Variants in KCNN2 observed in about 807,000 individuals in gnomAD.
KCNN2 encodes the protein potassium calcium-activated channel subfamily N member 2.
KCNN2 carries 24 observed loss-of-function variants against 55.5 expected under a neutral mutation model. The ratio of observed to expected loss-of-function variants is 0.43; its 90% confidence interval spans 0.31 to 0.61. The LOEUF (loss-of-function observed/expected upper bound fraction) is 0.61, where lower values mean the gene tolerates loss of function less well. Among genes scored for constraint, KCNN2 ranks in the 20% least tolerant of loss-of-function variants. KCNN2 has a pLI of 0.08. For synonymous variants in KCNN2, 431 were observed against 336.1 expected (o/e 1.28, Z -3.09); for missense variants, 754 against 853.6 (o/e 0.88, Z 1.45).
chr5:114,197,602 T>A (rs1344929267), intron 1 of KCNN2, among the ~76,000 whole-genome samples: 2 of 152,164 alleles, frequency 1.3e-5, no homozygotes, highest in Non-Finnish European at 2.9e-5. Context: ...TCCTTACAAA[T>A]GGCAGTGGGT....
At position 114,385,517 on chromosome 5, in the gene KCNN2, G is replaced by A. The variant is rs200823296; in HGVS notation, c.1219-18921G>A. 8.8e-3 allele frequency among the ~76,000 whole-genome samples: 781 copies of A among 88,968 alleles called. 12 individuals are homozygous for A. Among genetic ancestry groups the A allele is most frequent in the African/African-American group, 0.039 (732 of 18,980 alleles). 58.4% of individuals were successfully genotyped at this position (88,968 alleles called of 152,430 possible). A position where few individuals can be genotyped will look rare whatever the true frequency, so the allele number is the denominator to read the frequency against. ...GTTTATTGACAGCATACACACATGC[G>A]CGCACACACACACACACACACACAC... On this transcript the variant is annotated intron_variant, in intron 2 of 7. Transcript: ENST00000673685.
At chr5:114,396,858 G>A (rs577111701) in intron 2 of KCNN2, among the ~76,000 whole-genome samples, 97 of 152,134 alleles carry the variant, frequency 6.4e-4, no homozygotes, top group African/African-American at 2.3e-3. Flanking sequence ...GTAGTCTTTT[G>A]ATCTTCACCT....
chr5:114,318,722 C>T (rs1156264509), intron 2 of KCNN2, among the ~76,000 whole-genome samples: 1 of 151,962 alleles, frequency 6.6e-6, no homozygotes, highest in Non-Finnish European at 1.5e-5. Flanking sequence ...TCAGGGTTCA[C>T]TGACTAAATT....
intron 1 of KCNN2, among the ~76,000 whole-genome samples, chr5:114,083,183 C>T (rs1209727296): frequency 6.6e-6 from 1 of 151,700 alleles, no homozygotes; most frequent in Non-Finnish European, 1.5e-5. Context: ...CCTTTTTGTT[C>T]TTAGTCTATC....
chr5:114,148,224 G>A (rs921313196), intron 1 of KCNN2, among the ~76,000 whole-genome samples: 1 of 152,150 alleles, frequency 6.6e-6, no homozygotes, highest in Admixed American at 6.6e-5. Flanking sequence ...GATAATTAAA[G>A]GCCATTTCTT....
chr5:114,441,329 C>T (rs1371904346), intron 3 of KCNN2, among the ~76,000 whole-genome samples: 9 of 152,156 alleles, frequency 5.9e-5, no homozygotes, highest in Admixed American at 5.9e-4. Context: ...CAAGCTTAAT[C>T]TAGCATACAT....
At chr5:114,161,788 T>C (rs904875541) in intron 1 of KCNN2, among the ~76,000 whole-genome samples, 5 of 152,238 alleles carry the variant, frequency 3.3e-5, no homozygotes, top group African/African-American at 1.2e-4. Flanking sequence ...TTCCAGTTGA[T>C]CACATCAGCT....
At chr5:114,159,824 G>A (rs925383737) in intron 1 of KCNN2, among the ~76,000 whole-genome samples, 2 of 152,168 alleles carry the variant, frequency 1.3e-5, no homozygotes, top group Non-Finnish European at 2.9e-5. Context: ...ATGGTAGTTT[G>A]TATTTCTGTG....
intron 2 of KCNN2, among the ~76,000 whole-genome samples, chr5:114,319,316 G>A (rs1271682655): frequency 6.6e-6 from 1 of 152,102 alleles, no homozygotes; most frequent in Non-Finnish European, 1.5e-5. Context: ...GGGATGAGCT[G>A]TTTCCCTGAA....
intron 3 of KCNN2, among the ~76,000 whole-genome samples, chr5:114,432,679 G>C (rs960105119): frequency 6.6e-6 from 1 of 152,174 alleles, no homozygotes; most frequent in Non-Finnish European, 1.5e-5. Context: ...GGGAGGTGTA[G>C]AGGGAGAGGC....
intron 3 of KCNN2, among the ~76,000 whole-genome samples, chr5:114,457,250 T>C (rs1355563779): frequency 6.6e-6 from 1 of 152,104 alleles, no homozygotes; most frequent in Non-Finnish European, 1.5e-5. Flanking sequence ...GGCAAGACCC[T>C]CCACCAGAAA....
At chr5:114,128,083 G>A (rs1751975256) in intron 1 of KCNN2, among the ~76,000 whole-genome samples, 7 of 152,046 alleles carry the variant, frequency 4.6e-5, no homozygotes, top group Admixed American at 4.6e-4. Flanking sequence ...AACTGTTCCA[G>A]CCTCTGCTTG....
intron 1 of KCNN2, among the ~76,000 whole-genome samples, chr5:114,067,234 A>AAGTGTGAATGCTTT (rs1188739537): frequency 1.3e-5 from 2 of 152,172 alleles, no homozygotes; most frequent in Non-Finnish European, 2.9e-5. Context: ...AGAGTCTCTG[A>AAGTGTGAATGCTTT]AGTGTGAATG....
chr5:114,121,560 G>A (rs772126227), intron 1 of KCNN2, among the ~76,000 whole-genome samples: 6 of 152,146 alleles, frequency 3.9e-5, no homozygotes, highest in Non-Finnish European at 7.3e-5. Flanking sequence ...TTGGAGACAA[G>A]CGTCCTTTAC....
At chr5:114,185,253 C>A (rs1028447302) in intron 1 of KCNN2, among the ~76,000 whole-genome samples, 1 of 152,224 alleles carries the variant, frequency 6.6e-6, no homozygotes, top group African/African-American at 2.4e-5. Context: ...ATTATTTTAC[C>A]TTTCCTGTAT....
intron 2 of KCNN2, among the ~76,000 whole-genome samples, chr5:114,241,312 C>G (rs754197432): frequency 5.3e-5 from 8 of 151,714 alleles, no homozygotes; most frequent in Non-Finnish European, 1.2e-4. Flanking sequence ...TTTTAGATAA[C>G]GAATATAGTA....
At chr5:114,167,319 G>C (rs147704293) in intron 1 of KCNN2, among the ~76,000 whole-genome samples, 1 of 152,162 alleles carries the variant, frequency 6.6e-6, no homozygotes, top group East Asian at 1.9e-4. Context: ...TACCAAGTTT[G>C]ATTTGTTATA....
intron 2 of KCNN2, among the ~76,000 whole-genome samples, chr5:114,374,428 G>A (rs1252552689): frequency 6.6e-6 from 1 of 152,116 alleles, no homozygotes; most frequent in Non-Finnish European, 1.5e-5. Flanking sequence ...TAAATAAAAG[G>A]TGCTTTTTTC....
chr5:114,228,377 G>C (rs1044592948), intron 2 of KCNN2, among the ~76,000 whole-genome samples: 1 of 152,002 alleles, frequency 6.6e-6, no homozygotes, highest in East Asian at 1.9e-4. Context: ...AATAATAAAA[G>C]GAAACTAAGT....
Sources: allele counts gnomAD v4.1 joint callset (sites outside exome capture counted in the v4.1 genomes callset), GRCh38; gene constraint gnomAD v4.1.1; transcripts MANE v1.5; gene names NCBI Gene and HGNC (gene_info 2026-07-23, HGNC 2026-07-21).